The following DENND4A variants were observed in gnomAD, a reference collection of about 807,000 sequenced individuals.
DENND4A encodes C-myc promoter-binding protein.
Under a neutral mutation model 199.3 loss-of-function variants are expected in DENND4A, and 70 were observed. That is an observed-to-expected ratio of 0.35 (90% confidence interval 0.29 to 0.43). The LOEUF is 0.43. DENND4A is among the 20% of genes least tolerant of loss of function. DENND4A has a pLI of 1.00. For missense variants in DENND4A, 1,723 were observed against 2,255.8 expected, an observed-to-expected ratio of 0.76 and a Z score of 4.78; for synonymous variants, 686 against 766.9, an observed-to-expected ratio of 0.89 and a Z score of 1.74.
At chr15:65,717,723 C>A in intron 13 of DENND4A, 55 bp downstream of exon 13, 4 of 1,407,676 alleles carry the variant, frequency 2.8e-6, no homozygotes, top group Non-Finnish European at 3.8e-6. Context: ...GCAAATGAAT[C>A]ATCACAAAGT....
At chr15:65,691,924 G>T (rs2076982448) in intron 22 of DENND4A, among the ~76,000 whole-genome samples, 1 of 148,234 alleles carries the variant, frequency 6.7e-6, no homozygotes, top group Non-Finnish European at 1.5e-5. Context: ...TACAATTGTG[G>T]TTATACTAGA....
chr15:65,715,663 C>T (rs1228417343), intron 13 of DENND4A, 40 bp from the exon 14 acceptor site: 1 of 1,488,470 alleles, frequency 6.7e-7, no homozygotes, highest in Non-Finnish European at 9.0e-7. Flanking sequence ...TACATAATAT[C>T]ATTCATAGAT....
Position 65,752,375 on chromosome 15 carries a change from T to C in DENND4A, c.561+4A>G. 1 of 1,517,606 alleles carries C rather than the reference T, an allele frequency of 6.6e-7. No individual in the cohort carries two copies. The highest frequency in any genetic ancestry group is 8.9e-7 in the Non-Finnish European group (1 of 1,119,228). The allele number at this position is 1,517,606 out of a possible 1,614,324, so 94.0% of individuals were successfully genotyped here. A position where few individuals can be genotyped will look rare whatever the true frequency, so the allele number is the denominator to read the frequency against. On this transcript the variant is annotated splice_donor_region_variant and intron_variant, in intron 4 of 32. Coordinates refer to ENST00000443035, the MANE Select transcript of DENND4A (RefSeq NM_001320835.1). ...AATGTTACCAGTGCAAGTAAGTCAC[T>C]TACCATACTGTTATTGAGATTCTTG...
At chr15:65,706,974 C>G (rs1282759526) in intron 14 of DENND4A, among the ~76,000 whole-genome samples, 6 of 152,070 alleles carry the variant, frequency 3.9e-5, no homozygotes, top group Non-Finnish European at 8.8e-5. Flanking sequence ...AATCATGAGA[C>G]TGTAATCAAG....
intron 32 of DENND4A, among the ~76,000 whole-genome samples, chr15:65,663,534 T>C (rs952072440): frequency 6.6e-6 from 1 of 152,046 alleles, no homozygotes; most frequent in African/African-American, 2.4e-5. Context: ...TATATTCCCA[T>C]AGATATTTAT....
chr15:65,765,556 T>C (rs1188729209), intron 1 of DENND4A, among the ~76,000 whole-genome samples: 1 of 152,258 alleles, frequency 6.6e-6, no homozygotes, highest in Non-Finnish European at 1.5e-5. Context: ...ATTACTGACA[T>C]TGATACAATT....
At chr15:65,726,649 A>G (rs2075810350) in intron 11 of DENND4A, among the ~76,000 whole-genome samples, 1 of 152,238 alleles carries the variant, frequency 6.6e-6, no homozygotes, top group African/African-American at 2.4e-5. Context: ...GACATGTGAC[A>G]AGACTGAGAA....
At position 65,729,566 on chromosome 15, in the gene DENND4A, CG is replaced by C; in HGVS notation, c.1278del (p.Val427CysfsTer5). 1 of 1,608,486 alleles carries C rather than the reference CG, an allele frequency of 6.2e-7. No homozygotes were observed. Among genetic ancestry groups the C allele is most frequent in the Non-Finnish European group, 8.5e-7 (1 of 1,177,192 alleles). ...AATGCTTCTGTCACACTAGTAAGCA[CG>C]GATGGCCGTAGGGAATGGATAAGAA... ...HKILIHSLRP[S>X]VLTSVTEALV... On this transcript the variant is annotated frameshift_variant, in exon 10 of 33. Coordinates refer to ENST00000443035, the MANE Select transcript of DENND4A (RefSeq NM_001320835.1). LOFTEE classifies it high-confidence loss of function.
chr15:65,789,702 A>C (rs765757894), intron 1 of DENND4A, among the ~76,000 whole-genome samples: 3 of 152,242 alleles, frequency 2.0e-5, no homozygotes, highest in Non-Finnish European at 4.4e-5. Flanking sequence ...TTAAGTAGGA[A>C]TAGCACAAGG....
intron 17 of DENND4A, 60 bp downstream of exon 17, chr15:65,702,245 G>A (rs1349022462): frequency 7.4e-7 from 1 of 1,355,572 alleles, no homozygotes; most frequent in Non-Finnish European, 1.0e-6. Flanking sequence ...CTCCAGCCTG[G>A]GTGACAGAGT....
intron 28 of DENND4A, 40 bp downstream of exon 28, chr15:65,667,885 T>C (rs1596384285): frequency 6.3e-7 from 1 of 1,575,384 alleles, no homozygotes; most frequent in Non-Finnish European, 8.6e-7. Flanking sequence ...CATACGTAAG[T>C]GATCAATTTC....
intron 11 of DENND4A, among the ~76,000 whole-genome samples, chr15:65,726,770 A>C (rs1300575803): frequency 6.6e-6 from 1 of 152,108 alleles, no homozygotes; most frequent in East Asian, 1.9e-4. Context: ...AGCCTGGCCA[A>C]CACGGTGAAA....
Position 65,661,907 on chromosome 15 carries a change from G to GTCTA in DENND4A, c.5664_5667dup (p.Pro1890Ter). Reference sequence around the variant, plus strand: ...CATTCCATCACCCCTGTACTTGGTGGTCTATCACAGTTGTGTGTACTCTTG... The same window carrying GTCTA: ...CATTCCATCACCCCTGTACTTGGTGGTCTATCTATCACAGTTGTGTGTACTCTTG... On this transcript the variant is annotated stop_gained and frameshift_variant, in exon 33 of 33. Coordinates refer to ENST00000443035, the MANE Select transcript of DENND4A (RefSeq NM_001320835.1). LOFTEE classifies it high-confidence loss of function. 1 of 1,612,880 alleles carries GTCTA rather than the reference G, an allele frequency of 6.2e-7. No homozygotes were observed. The highest frequency in any genetic ancestry group is 2.2e-5 in the East Asian group (1 of 44,858).
chr15:65,755,935 C>G (rs1015307998), intron 3 of DENND4A, among the ~76,000 whole-genome samples: 1 of 152,056 alleles, frequency 6.6e-6, no homozygotes, highest in Non-Finnish European at 1.5e-5. Context: ...TGAAAGAAAC[C>G]CAGGCAAGGT....
chr15:65,733,044 A>G (rs2076007814), intron 7 of DENND4A, among the ~76,000 whole-genome samples: 1 of 152,186 alleles, frequency 6.6e-6, no homozygotes, highest in South Asian at 2.1e-4. Flanking sequence ...ACATTCAACA[A>G]TATTTGTTAT....
chr15:65,704,767 T>A (rs1468665837), intron 15 of DENND4A, among the ~76,000 whole-genome samples: 1 of 151,858 alleles, frequency 6.6e-6, no homozygotes, highest in Non-Finnish European at 1.5e-5. Context: ...ATTTTTGTAT[T>A]TTTAGCAGAG....
In DENND4A at chr15:65,786,084, C is replaced by T. The variant is rs761095602; in HGVS notation, c.-102+5926G>A. On this transcript the variant is annotated intron_variant, in intron 1 of 32. Coordinates refer to ENST00000443035, the MANE Select transcript of DENND4A (RefSeq NM_001320835.1). ...TCCTAGGACCCAGCAATTTGACAGT[C>T]AGGTATATGACCTGGAGAAACTATG... is the stretch of plus-strand genomic sequence containing the variant. 3.3e-5 allele frequency among the ~76,000 whole-genome samples: 5 copies of T among 152,070 alleles called. No homozygotes were observed. The South Asian group carries it at 6.2e-4, about 19-fold the overall frequency.
At chr15:65,702,186 T>C in intron 17 of DENND4A, 119 bp downstream of exon 17, 1 of 874,840 alleles carries the variant, frequency 1.1e-6, no homozygotes. Flanking sequence ...ATTGCATCTC[T>C]TGAGCTCAAG....
At chr15:65,707,974 C>T (rs957580538) in intron 14 of DENND4A, among the ~76,000 whole-genome samples, 3 of 152,180 alleles carry the variant, frequency 2.0e-5, no homozygotes, top group East Asian at 1.9e-4. Flanking sequence ...GCATGAGCCA[C>T]AGTACCCAGC....
Sources: allele counts gnomAD v4.1 joint callset (sites outside exome capture counted in the v4.1 genomes callset), GRCh38; gene constraint gnomAD v4.1.1; transcripts MANE v1.5; gene names NCBI Gene and HGNC (gene_info 2026-07-23, HGNC 2026-07-21).